The following MAX variants were observed in gnomAD, a reference collection of about 807,000 sequenced individuals.
The protein encoded by MAX is MYC associated transcriptional regulator X.
Under a neutral mutation model 22.3 loss-of-function variants are expected in MAX, and 3 were observed. The ratio of observed to expected loss-of-function variants is 0.13; its 90% CI spans 0.06 to 0.35. MAX has a LOEUF of 0.35. MAX is among the 10% of genes least tolerant of loss of function. The pLI is 1.00. For synonymous variants in MAX, 72 were observed against 77.7 expected (o/e 0.93, Z 0.39); for missense variants, 119 against 209.4 (o/e 0.57, Z 2.66).
Position 65,037,402 on chromosome 14 carries a change from C to CTTTTTTTTTTTTTTTTT in MAX, c.172-31119_172-31118insAAAAAAAAAAAAAAAAA. 1.6e-3 allele frequency among the ~76,000 whole-genome samples: 23 copies of CTTTTTTTTTTTTTTTTT among 14,532 alleles called. 1 individual carries two copies. Among genetic ancestry groups the CTTTTTTTTTTTTTTTTT allele is most frequent in the Non-Finnish European group, 2.8e-3 (20 of 7,200 alleles). The allele number at this position is 14,532 out of a possible 152,430, so 9.5% of individuals were successfully genotyped here. A position where few individuals can be genotyped will look rare whatever the true frequency, so the allele number is the denominator to read the frequency against. On this transcript the variant is annotated intron_variant, in intron 3 of 3. Transcript: ENST00000341653. ...ATAGGCGTGAGCCACCACGCCGGGC[C>CTTTTTTTTTTTTTTTTT]CTTTTTTTTTTTTTTTTTTTTTTTT...
chr14:65,077,715 C>T lies in MAX; in HGVS notation c.295+198G>A. ...TCCAGATGTCCAACTTCCTAGCTTC[C>T]ACTGTCTCCTCACTGGCGCCTCAGG... On this transcript the variant is annotated intron_variant, in intron 4 of 4. Coordinates refer to ENST00000358664, the MANE Select transcript of MAX (RefSeq NM_002382.5). This position sits in a 1 kb window ranked among gnomAD's most constrained non-coding sequence, Gnocchi z 6.3. 1.2e-5 allele frequency: 19 copies of T among 1,583,682 alleles called. No individual in the cohort carries two copies. The highest frequency in any genetic ancestry group is 1.5e-5 in the Non-Finnish European group (18 of 1,166,638).
rs1055222620 is a variant in MAX at position 65,009,696 on chromosome 14, C to G, written c.172-3412G>C. ...TAATGTGGAATTTCTCTGCTTACTGCCTTGTACTTTTGATCCAGCTGAACT... is the reference window on the plus strand; with the variant it reads ...TAATGTGGAATTTCTCTGCTTACTGGCTTGTACTTTTGATCCAGCTGAACT... On this transcript the variant is annotated intron_variant, in intron 3 of 3. Transcript: ENST00000341653. The surrounding 1 kb of genome is among the most constrained non-coding windows in gnomAD (Gnocchi z 4.2). Among the ~76,000 whole-genome samples, 54 of 152,124 alleles carry G rather than the reference C, an allele frequency of 3.5e-4. No homozygotes were observed. Among genetic ancestry groups the G allele is most frequent in the African/African-American group, 1.3e-3 (52 of 41,416 alleles).
rs1255163980 is a variant in MAX at position 65,023,294 on chromosome 14, A to T, written c.172-17010T>A. 6.6e-6 allele frequency among the ~76,000 whole-genome samples: 1 copy of T among 152,140 alleles called. No individual in the cohort carries two copies. Among genetic ancestry groups the T allele is most frequent in the East Asian group, 1.9e-4 (1 of 5,188 alleles). On this transcript the variant is annotated intron_variant, in intron 3 of 3. Transcript: ENST00000341653. This position sits in a 1 kb window ranked among gnomAD's most constrained non-coding sequence, Gnocchi z 4.1. ...GGCTGGCCTTGAACTCCTGAGCTCA[A>T]GTGATCCCCCTCACCTCAGCCAAAG...
At position 65,023,506 on chromosome 14, in the gene MAX, T is replaced by C. The variant is rs1230116084; in HGVS notation, c.172-17222A>G. Among the ~76,000 whole-genome samples, 2 of 152,190 alleles carry C rather than the reference T, an allele frequency of 1.3e-5. No individual in the cohort carries two copies. Among genetic ancestry groups the C allele is most frequent in the Non-Finnish European group, 2.9e-5 (2 of 68,036 alleles). ...CTCTTTAATGATGGAATGATAAAAG[T>C]GGTGGTGTCCAGCAGAACTTTCTGT... On this transcript the variant is annotated intron_variant, in intron 3 of 3. Transcript: ENST00000341653. This position sits in a 1 kb window ranked among gnomAD's most constrained non-coding sequence, Gnocchi z 4.1.
chr14:65,061,455 A>G, intron 3 of MAX: 1 of 1,353,048 alleles, frequency 7.4e-7, no homozygotes, highest in Non-Finnish European at 9.8e-7. Flanking sequence ...CTTGTCAAAC[A>G]AAACCAATGG....
In MAX at chr14:65,009,914, C is replaced by T. The variant is rs553400694; in HGVS notation, c.172-3630G>A. ...ACATGTGTGTCCACCTCTGGACTGT[C>T]GCTCTAGGGTACAGAGCAGCCTCTA... On this transcript the variant is annotated intron_variant, in intron 3 of 3. Transcript: ENST00000341653. The surrounding 1 kb of genome is among the most constrained non-coding windows in gnomAD (Gnocchi z 4.2). 3.9e-4 allele frequency among the ~76,000 whole-genome samples: 59 copies of T among 152,246 alleles called. No homozygotes were observed. The highest frequency in any genetic ancestry group is 1.3e-3 in the African/African-American group (52 of 41,528).
In MAX at chr14:65,069,722, AG is replaced by A. The variant is rs1351290655; in HGVS notation, c.171+23985del. 2.6e-5 allele frequency among the ~76,000 whole-genome samples: 4 copies of A among 152,240 alleles called. No individual in the cohort carries two copies. Among genetic ancestry groups the A allele is most frequent in the African/African-American group, 9.6e-5 (4 of 41,468 alleles). On this transcript the variant is annotated intron_variant, in intron 3 of 3. Coordinates refer to the MAX transcript ENST00000341653. This position sits in a 1 kb window ranked among gnomAD's most constrained non-coding sequence, Gnocchi z 4.6. The stretch of plus-strand genomic sequence containing the variant: ...AAGCCAAGCACAGTGCTAGGAGTCC[AG>A]TAACAAGTGCACAGACCAGCCACTG...
rs143751885 is a variant in MAX at position 65,033,315 on chromosome 14, G to A, written c.172-27031C>T. Among the ~76,000 whole-genome samples the A allele has an allele frequency of 3.8e-3, 584 of 152,288 alleles. 7 individuals are homozygous for A. The highest frequency in any genetic ancestry group is 0.013 in the African/African-American group (538 of 41,570). On this transcript the variant is annotated intron_variant, in intron 3 of 3. Transcript: ENST00000341653. ...TGCAAGAGAATTCTGTATTGTTTCTGAGAAGAATCATGTGGTAATAATATA... is the reference window on the plus strand; with the variant it reads ...TGCAAGAGAATTCTGTATTGTTTCTAAGAAGAATCATGTGGTAATAATATA...
Position 65,082,560 on chromosome 14 carries a change from T to TGGG in MAX, c.172-4527_172-4525dup, listed in dbSNP as rs1412659903. ...GGGAGGATCACTAGGGCTCAGGTGT[T>TGGG]GGGGACCAGCCTAGAAAACACAGCA... On this transcript the variant is annotated intron_variant, in intron 3 of 4. Transcript: ENST00000358664. The surrounding 1 kb of genome is among the most constrained non-coding windows in gnomAD (Gnocchi z 4.8). 2.0e-5 allele frequency among the ~76,000 whole-genome samples: 3 copies of TGGG among 151,978 alleles called. No individual in the cohort carries two copies. The highest frequency in any genetic ancestry group is 2.0e-4 in the Admixed American group (3 of 15,254).
Position 65,084,899 on chromosome 14 carries a change from A to G in MAX, c.172-6863T>C, listed in dbSNP as rs1352593558. On this transcript the variant is annotated intron_variant, in intron 3 of 4. Transcript: ENST00000358664. This position sits in a 1 kb window ranked among gnomAD's most constrained non-coding sequence, Gnocchi z 4.3. ...GATTGAACAATAGCAGCTTTTGGGG[A>G]GAAAAAAAGGAGGCAGGTTTCTTTT... Among the ~76,000 whole-genome samples, 1 of 152,160 alleles carries G rather than the reference A, an allele frequency of 6.6e-6. No individual in the cohort carries two copies. Among genetic ancestry groups the G allele is most frequent in the Non-Finnish European group, 1.5e-5 (1 of 68,032 alleles).
chr14:65,069,357 G>A lies in MAX; in HGVS notation c.171+24351C>T, dbSNP rs1248811120. Among the ~76,000 whole-genome samples, 1 of 152,158 alleles carries A rather than the reference G, an allele frequency of 6.6e-6. No individual in the cohort carries two copies. Among genetic ancestry groups the A allele is most frequent in the East Asian group, 1.9e-4 (1 of 5,186 alleles). On this transcript the variant is annotated intron_variant, in intron 3 of 3. Coordinates refer to the MAX transcript ENST00000341653. The surrounding 1 kb of genome is among the most constrained non-coding windows in gnomAD (Gnocchi z 4.6). ...GAGCTTGAGAAGCGATGACCTGGTGGCCCTGCCCCTCCCATAGTGCCAAAC... is the reference window on the plus strand; with the variant it reads ...GAGCTTGAGAAGCGATGACCTGGTGACCCTGCCCCTCCCATAGTGCCAAAC...
intron 3 of MAX, among the ~76,000 whole-genome samples, chr14:65,024,251 A>T (rs889189445): frequency 1.3e-5 from 2 of 151,382 alleles, no homozygotes; most frequent in African/African-American, 4.8e-5. Flanking sequence ...TGGGGAGTTT[A>T]AAAAAAATAC....
At chr14:65,086,332 G>T (rs770976432) in intron 3 of MAX, among the ~76,000 whole-genome samples, 4 of 152,192 alleles carry the variant, frequency 2.6e-5, no homozygotes, top group Non-Finnish European at 5.9e-5. Flanking sequence ...TTGGAACTAG[G>T]TAACAGGCAG....
At chr14:65,065,987 G>T (rs1370572791) in intron 3 of MAX, among the ~76,000 whole-genome samples, 8 of 152,214 alleles carry the variant, frequency 5.3e-5, no homozygotes, top group Admixed American at 4.6e-4. Context: ...CGTATCTGCT[G>T]CCTCCAAAGC....
chr14:65,076,697 T>TC lies in MAX; in HGVS notation c.296-35dup, dbSNP rs774324946. 9.9e-6 allele frequency: 16 copies of TC among 1,614,008 alleles called. No homozygotes were observed. Among genetic ancestry groups the TC allele is most frequent in the Admixed American group, 5.0e-5 (3 of 60,016 alleles). ...CAACCAAGGGAGTGTGTTACTGCCT[T>TC]CTGGAGACTTGGGGAGTAACCGAGT... On this transcript the variant is annotated intron_variant, in intron 4 of 4. Coordinates refer to ENST00000358664, the MANE Select transcript of MAX (RefSeq NM_002382.5). This position sits in a 1 kb window ranked among gnomAD's most constrained non-coding sequence, Gnocchi z 6.6.
Position 65,078,122 on chromosome 14 carries a change from G to A in MAX, c.172-86C>T, listed in dbSNP as rs552990610. 1.5e-5 allele frequency: 23 copies of A among 1,520,630 alleles called. No individual in the cohort carries two copies. The African/African-American group carries it at 2.2e-4, about 14-fold the overall frequency. The allele number at this position is 1,520,630 out of a possible 1,614,324, so 94.2% of individuals were successfully genotyped here. A position where few individuals can be genotyped will look rare whatever the true frequency, so the allele number is the denominator to read the frequency against. Reference sequence around the variant, plus strand: ...GAACCTGGCCTGCAGCAACTGCTTGGGTGGCTGGAAACGAGAGGGTAAGGT... The same window carrying A: ...GAACCTGGCCTGCAGCAACTGCTTGAGTGGCTGGAAACGAGAGGGTAAGGT... On this transcript the variant is annotated intron_variant, in intron 3 of 4. Coordinates refer to ENST00000358664, the MANE Select transcript of MAX (RefSeq NM_002382.5). The surrounding 1 kb of genome is among the most constrained non-coding windows in gnomAD (Gnocchi z 6.4).
chr14:65,077,034 G>A lies in MAX; in HGVS notation c.296-371C>T, dbSNP rs1307037788. The A allele has an allele frequency of 3.7e-6, 2 of 547,660 alleles. No homozygotes were observed. 33.9% of individuals were successfully genotyped at this position (547,660 alleles called of 1,614,324 possible). Reference sequence around the variant, plus strand: ...AGGAGCATGAGGCTCCACAAGGTGTGAGGCCACACAACAGCAGGAAAGGAT... The same window carrying A: ...AGGAGCATGAGGCTCCACAAGGTGTAAGGCCACACAACAGCAGGAAAGGAT... On this transcript the variant is annotated intron_variant, in intron 4 of 4. Coordinates refer to ENST00000358664, the MANE Select transcript of MAX (RefSeq NM_002382.5). This position sits in a 1 kb window ranked among gnomAD's most constrained non-coding sequence, Gnocchi z 6.3.
At chr14:65,018,359 G>T (rs903050274) in intron 3 of MAX, among the ~76,000 whole-genome samples, 1 of 152,030 alleles carries the variant, frequency 6.6e-6, no homozygotes, top group Non-Finnish European at 1.5e-5. Flanking sequence ...ATATTTGTAT[G>T]TTAAAATATA....
At chr14:65,072,793 ACTCGAG>A, downstream of MAX, among the ~76,000 whole-genome samples, 1 of 152,128 alleles carries the variant, frequency 6.6e-6, no homozygotes, top group African/African-American at 2.4e-5. Context: ...GCAGAGCCTC[ACTCGAG>A]TTGACACCAG....
Sources: gnomAD v4.1 joint callset for allele counts (sites outside exome capture counted in the v4.1 genomes callset) on GRCh38, gnomAD v4.1.1 for gene constraint, Gnocchi (gnomAD v3.1) non-coding constraint, MANE v1.5 for transcripts, NCBI Gene and HGNC (gene_info 2026-07-23, HGNC 2026-07-21) for gene names.